The following CDC37L1 variants were observed in gnomAD, a reference collection of about 807,000 sequenced individuals.
The protein encoded by CDC37L1 is hsp90 co-chaperone Cdc37-like 1.
CDC37L1 carries 32 observed loss-of-function variants against 45.9 expected under a neutral mutation model. The observed-to-expected ratio is 0.70, with a 90% CI of 0.53 to 0.94. CDC37L1 has a LOEUF of 0.94. Ranked by LOEUF, CDC37L1 falls within the 40% of genes least tolerant of loss-of-function variation. The pLI is 0.00. For synonymous variants in CDC37L1, 150 were observed against 133.0 expected, an observed-to-expected ratio of 1.13 and a Z score of -0.88; for missense variants, 434 against 405.7, an observed-to-expected ratio of 1.07 and a Z score of -0.60.
At chr9:4,687,671 C>G (rs1224288341) in intron 2 of CDC37L1, among the ~76,000 whole-genome samples, 1 of 126,356 alleles carries the variant, frequency 7.9e-6, no homozygotes, top group African/African-American at 3.5e-5. Flanking sequence ...AGAGCAAGAC[C>G]CCATCTCAAA....
chr9:4,681,261 C>G (rs544885803), intron 1 of CDC37L1, among the ~76,000 whole-genome samples: 1 of 152,284 alleles, frequency 6.6e-6, no homozygotes, highest in Admixed American at 6.5e-5. Flanking sequence ...TAATTTCTTA[C>G]TTGTGCACTT....
intron 1 of CDC37L1, 82 bp from the exon 2 acceptor site, chr9:4,684,795 C>A: frequency 1.0e-6 from 1 of 982,172 alleles, no homozygotes; most frequent in Admixed American, 2.5e-5. Flanking sequence ...GTACAGAAAT[C>A]CTTTGAATTA....
intron 2 of CDC37L1, among the ~76,000 whole-genome samples, chr9:4,688,172 G>C (rs565509834): frequency 2.0e-5 from 3 of 152,194 alleles, no homozygotes; most frequent in South Asian, 4.1e-4. Context: ...GCTATTTTTT[G>C]TATTTTTAGT....
intron 2 of CDC37L1, 162 bp downstream of exon 2, chr9:4,685,320 C>G (rs915197034): frequency 2.4e-5 from 14 of 591,338 alleles, no homozygotes; most frequent in Non-Finnish European, 3.9e-5. Context: ...CAAAAAGTCT[C>G]AAAGCTCTTG....
intron 1 of CDC37L1, among the ~76,000 whole-genome samples, chr9:4,680,565 T>C (rs2130839800): frequency 6.6e-6 from 1 of 152,290 alleles, no homozygotes; most frequent in South Asian, 2.1e-4. Context: ...TGGTATTGTG[T>C]TTTCAATCCA....
chr9:4,679,578 T>A lies in CDC37L1; in HGVS notation c.-190T>A. On this transcript the variant is annotated 5_prime_UTR_variant, in exon 1 of 7. Coordinates refer to ENST00000381854, the MANE Select transcript of CDC37L1 (RefSeq NM_017913.4). The stretch of plus-strand genomic sequence containing the variant: ...ACCGCGCCGACTATTTCTTCCGCCG[T>A]CCGCCGGTGGCGAGGCCCAGGCTGT... 1 of 517,268 alleles carries A rather than the reference T, an allele frequency of 1.9e-6. No homozygotes were observed. 32.0% of individuals were successfully genotyped at this position (517,268 alleles called of 1,614,324 possible).
intron 2 of CDC37L1, among the ~76,000 whole-genome samples, chr9:4,686,047 C>A (rs564925144): frequency 6.6e-6 from 1 of 152,132 alleles, no homozygotes; most frequent in African/African-American, 2.4e-5. Flanking sequence ...CCTGTATTGC[C>A]TTAGTCCCAG....
At position 4,697,820 on chromosome 9, in the gene CDC37L1, G is replaced by A; in HGVS notation, c.688G>A (p.Ala230Thr). ...AVVMQFIMEM[A>T]KNCNVDPRGC... ...TGTAATGCAGTTTATTATGGAAATG[G>A]CCAAAAACTGTAATGTGGATCCAAG... The change falls in exon 5 of 7, where the codon GCC becomes ACC. Residue 230 changes from alanine (A) to threonine (T), a missense_variant. Coordinates refer to ENST00000381854, the MANE Select transcript of CDC37L1 (RefSeq NM_017913.4). 1 of 1,610,030 alleles carries A rather than the reference G, an allele frequency of 6.2e-7. No individual in the cohort carries two copies. Among genetic ancestry groups the A allele is most frequent in the Non-Finnish European group, 8.5e-7 (1 of 1,176,566 alleles).
At chr9:4,697,268 C>A in intron 4 of CDC37L1, 57 bp downstream of exon 4, 1 of 804,744 alleles carries the variant, frequency 1.2e-6, no homozygotes, top group Non-Finnish European at 2.2e-6. Flanking sequence ...TGATTTCATA[C>A]TTTATTGATG....
chr9:4,708,355 C>T lies in CDC37L1; in HGVS notation c.*2243C>T, dbSNP rs1353676211. 6.6e-6 allele frequency: 1 copy of T among 152,200 alleles called. No individual in the cohort carries two copies. Among genetic ancestry groups the T allele is most frequent in the East Asian group, 1.9e-4 (1 of 5,202 alleles). 9.4% of individuals were successfully genotyped at this position (152,200 alleles called of 1,614,324 possible). On this transcript the variant is annotated 3_prime_UTR_variant, in exon 7 of 7. Transcript: ENST00000381854. Reference sequence around the variant, plus strand: ...AAAGTATCATCAAAGATTCTTGTTTCATTTGATAAAATTAATATTTGAATA... The same window carrying T: ...AAAGTATCATCAAAGATTCTTGTTTTATTTGATAAAATTAATATTTGAATA...
At chr9:4,680,590 C>T (rs1252384118) in intron 1 of CDC37L1, among the ~76,000 whole-genome samples, 1 of 146,800 alleles carries the variant, frequency 6.8e-6, no homozygotes, top group Non-Finnish European at 1.5e-5. Flanking sequence ...TCCTGCCTTC[C>T]TGCGACTGAA....
At chr9:4,682,560 C>T (rs925933500) in intron 1 of CDC37L1, among the ~76,000 whole-genome samples, 4 of 151,838 alleles carry the variant, frequency 2.6e-5, no homozygotes, top group African/African-American at 9.7e-5. Context: ...AGCTCCTCCT[C>T]GTGATCCGCC....
intron 3 of CDC37L1, among the ~76,000 whole-genome samples, chr9:4,693,061 A>G (rs538379665): frequency 3.0e-4 from 46 of 152,350 alleles, no homozygotes; most frequent in Non-Finnish European, 4.9e-4. Context: ...GGAAATGATC[A>G]TACAACTTTC....
intron 5 of CDC37L1, among the ~76,000 whole-genome samples, chr9:4,699,406 C>T (rs1429099281): frequency 1.3e-5 from 2 of 152,078 alleles, no homozygotes; most frequent in Non-Finnish European, 1.5e-5. Flanking sequence ...ACTTCTGGTG[C>T]CAAGCATTTC....
intron 3 of CDC37L1, among the ~76,000 whole-genome samples, chr9:4,689,323 C>CTT (rs78778632): frequency 5.5e-5 from 8 of 144,676 alleles, no homozygotes; most frequent in Middle Eastern, 3.6e-3. Flanking sequence ...AGGTTTAAAA[C>CTT]TTTTTTTTTT....
chr9:4,684,826 C>A, intron 1 of CDC37L1, 51 bp from the exon 2 acceptor site: 2 of 1,365,420 alleles, frequency 1.5e-6, no homozygotes, highest in Non-Finnish European at 1.0e-6. Context: ...AACTGTGCTG[C>A]ACAAACATCC....
chr9:4,682,186 A>G (rs1223235954), intron 1 of CDC37L1, among the ~76,000 whole-genome samples: 1 of 120,970 alleles, frequency 8.3e-6, no homozygotes, highest in Non-Finnish European at 1.6e-5. Flanking sequence ...TTTTTGAGGC[A>G]GTGTCTTGCT....
At chr9:4,687,701 AGAC>A (rs1294253569) in intron 2 of CDC37L1, among the ~76,000 whole-genome samples, 1 of 137,972 alleles carries the variant, frequency 7.2e-6, no homozygotes, top group Non-Finnish European at 1.6e-5. Flanking sequence ...AAAAAAAAAA[AGAC>A]ACGCAACAAC....
intron 2 of CDC37L1, among the ~76,000 whole-genome samples, chr9:4,687,108 C>A (rs1841254363): frequency 6.6e-6 from 1 of 151,636 alleles, no homozygotes; most frequent in Non-Finnish European, 1.5e-5. Flanking sequence ...AAGAAAAAAT[C>A]TTTTATTTTG....
Sources: gnomAD v4.1 joint callset for allele counts (sites outside exome capture counted in the v4.1 genomes callset) on GRCh38, gnomAD v4.1.1 for gene constraint, MANE v1.5 for transcripts, NCBI Gene and HGNC (gene_info 2026-07-23, HGNC 2026-07-21) for gene names.